CMSS1: variants seen among roughly 807,000 people sequenced by gnomAD.
CMSS1 encodes the protein cms1 ribosomal small subunit homolog.
A neutral mutation model predicts 43.5 loss-of-function variants in CMSS1; 33 were observed. The ratio of observed to expected loss-of-function variants is 0.76; its 90% confidence interval spans 0.57 to 1.01. The LOEUF (loss-of-function observed/expected upper bound fraction) is 1.01, where lower values mean the gene tolerates loss of function less well. Ranked by LOEUF, CMSS1 falls within the 50% of genes least tolerant of loss-of-function variation. CMSS1 has a pLI of 0.00. For missense variants in CMSS1, 313 were observed against 326.4 expected (o/e 0.96, Z 0.32); for synonymous variants, 115 against 117.2 (o/e 0.98, Z 0.12).
At chr3:100,048,963 A>C (rs2065323877) in intron 1 of CMSS1, among the ~76,000 whole-genome samples, 1 of 152,242 alleles carries the variant, frequency 6.6e-6, no homozygotes, top group Non-Finnish European at 1.5e-5. Flanking sequence ...GTTACCACAC[A>C]CACAATTGTC....
intron 1 of CMSS1, among the ~76,000 whole-genome samples, chr3:99,919,332 C>A (rs1707051961): frequency 6.6e-6 from 1 of 150,618 alleles, no homozygotes; most frequent in Non-Finnish European, 1.5e-5. Context: ...GGTCTTAAAG[C>A]CTGCAGTGGT....
At chr3:99,896,693 G>A (rs997228929) in intron 1 of CMSS1, among the ~76,000 whole-genome samples, 1 of 152,172 alleles carries the variant, frequency 6.6e-6, no homozygotes, top group African/African-American at 2.4e-5. Context: ...TACAATGATA[G>A]TGTTGATTCA....
intron 1 of CMSS1, among the ~76,000 whole-genome samples, chr3:100,136,431 G>GCCTGAGGGCCGAACTTT (rs2066753800): frequency 6.6e-6 from 1 of 152,164 alleles, no homozygotes; most frequent in Non-Finnish European, 1.5e-5. Flanking sequence ...GGCCGAACTT[G>GCCTGAGGGCCGAACTTT]CCTGAGCTCC....
At chr3:99,824,106 A>G (rs1576489536) in intron 1 of CMSS1, among the ~76,000 whole-genome samples, 1 of 152,092 alleles carries the variant, frequency 6.6e-6, no homozygotes, top group East Asian at 1.9e-4. Context: ...TATATTTAGC[A>G]GAGACGGGAT....
intron 1 of CMSS1, among the ~76,000 whole-genome samples, chr3:100,033,615 A>G (rs907569718): frequency 1.3e-5 from 2 of 152,222 alleles, no homozygotes; most frequent in Non-Finnish European, 2.9e-5. Flanking sequence ...AAGTAGCCTG[A>G]AAAGCAGATA....
intron 1 of CMSS1, among the ~76,000 whole-genome samples, chr3:100,046,222 C>A (rs2065276947): frequency 6.6e-6 from 1 of 152,060 alleles, no homozygotes; most frequent in African/African-American, 2.4e-5. Flanking sequence ...TGATCAGGGC[C>A]AGGATATTCC....
intron 1 of CMSS1, among the ~76,000 whole-genome samples, chr3:99,917,953 C>T (rs1441932477): frequency 6.6e-6 from 1 of 151,768 alleles, no homozygotes; most frequent in Non-Finnish European, 1.5e-5. Context: ...TATGCCCTGC[C>T]CTTGTTTGTT....
intron 1 of CMSS1, among the ~76,000 whole-genome samples, chr3:99,828,450 CTTTT>C (rs540949688): frequency 7.3e-6 from 1 of 137,266 alleles, no homozygotes; most frequent in Non-Finnish European, 1.6e-5. Context: ...TCACTGCACC[CTTTT>C]TTTTTTTTTT....
chr3:99,944,028 A>G (rs1476596937), intron 1 of CMSS1, among the ~76,000 whole-genome samples: 1 of 152,194 alleles, frequency 6.6e-6, no homozygotes, highest in Admixed American at 6.5e-5. Flanking sequence ...TAATGATACA[A>G]CTTTATCTCT....
intron 1 of CMSS1, among the ~76,000 whole-genome samples, chr3:99,887,926 G>A (rs1705961741): frequency 6.6e-6 from 1 of 151,852 alleles, no homozygotes; most frequent in Non-Finnish European, 1.5e-5. Context: ...TTTCCATAAA[G>A]ATGGGGTTTT....
At chr3:99,897,982 C>CA (rs1706313662) in intron 1 of CMSS1, 2 of 152,306 alleles carry the variant, frequency 1.3e-5, no homozygotes, top group South Asian at 4.1e-4. Context: ...ATCCTACCTC[C>CA]AATTCTGATT....
intron 2 of CMSS1, among the ~76,000 whole-genome samples, chr3:100,157,269 C>A (rs1030155048): frequency 6.6e-6 from 1 of 152,080 alleles, no homozygotes; most frequent in Non-Finnish European, 1.5e-5. Flanking sequence ...CCCATTTTTA[C>A]AGCATCTTGT....
At chr3:99,932,781 C>G (rs1433012178) in intron 1 of CMSS1, among the ~76,000 whole-genome samples, 1 of 152,152 alleles carries the variant, frequency 6.6e-6, no homozygotes, top group Non-Finnish European at 1.5e-5. Flanking sequence ...ATCCCAGCTA[C>G]TCAGGAGGCT....
chr3:99,855,171 T>C (rs1286963085), intron 1 of CMSS1, among the ~76,000 whole-genome samples: 1 of 152,218 alleles, frequency 6.6e-6, no homozygotes, highest in Non-Finnish European at 1.5e-5. Flanking sequence ...CCTGTATTCC[T>C]GACCTACATG....
intron 1 of CMSS1, among the ~76,000 whole-genome samples, chr3:99,867,411 A>C (rs1280219302): frequency 6.6e-6 from 1 of 152,204 alleles, no homozygotes; most frequent in Non-Finnish European, 1.5e-5. Flanking sequence ...AGGTTTTAGT[A>C]GCTGAAAAAA....
intron 1 of CMSS1, among the ~76,000 whole-genome samples, chr3:100,081,783 GC>G (rs2065935847): frequency 6.6e-6 from 1 of 152,048 alleles, no homozygotes; most frequent in Admixed American, 6.6e-5. Context: ...TTGTTTTAGA[GC>G]CAGGTTTCTC....
At chr3:99,983,462 G>GTATATA (rs1466852207) in intron 1 of CMSS1, among the ~76,000 whole-genome samples, 11 of 11,996 alleles carry the variant, frequency 9.2e-4, no homozygotes, top group Non-Finnish European at 1.2e-3. Flanking sequence ...ATATATATGT[G>GTATATA]TGTATATATA....
intron 8 of CMSS1, among the ~76,000 whole-genome samples, chr3:100,176,064 C>T (rs2067145882): frequency 6.6e-6 from 1 of 152,136 alleles, no homozygotes; most frequent in Non-Finnish European, 1.5e-5. Context: ...GGATGCCTGG[C>T]CAGCGTGTGA....
At chr3:100,162,718 A>G (rs1268010496) in intron 4 of CMSS1, among the ~76,000 whole-genome samples, 1 of 152,244 alleles carries the variant, frequency 6.6e-6, no homozygotes, top group Non-Finnish European at 1.5e-5. Context: ...TCACGCCTAT[A>G]ATCCCAGCAC....
Sources: gnomAD v4.1 joint callset for allele counts (sites outside exome capture counted in the v4.1 genomes callset) on GRCh38, gnomAD v4.1.1 for gene constraint, MANE v1.5 for transcripts, NCBI Gene and HGNC (gene_info 2026-07-23, HGNC 2026-07-21) for gene names.